Variants in CASD1 observed in about 807,000 individuals in gnomAD.
CASD1 encodes CAS1 domain sialic acid O acetyltransferase 1.
A neutral mutation model predicts 100.0 loss-of-function variants in CASD1; 41 were observed. That is an observed-to-expected ratio of 0.41 (90% CI 0.32 to 0.53). CASD1 has a LOEUF of 0.53. Among genes scored for constraint, CASD1 ranks in the 20% least tolerant of loss-of-function variants. The probability of loss-of-function intolerance (pLI) is 0.25; values close to 1 mark genes in which losing one functional copy is unlikely to be tolerated. For missense variants in CASD1, 774 were observed against 948.7 expected, an observed-to-expected ratio of 0.82 and a Z score of 2.42; for synonymous variants, 321 against 315.6, an observed-to-expected ratio of 1.02 and a Z score of -0.18.
At chr7:94,588,143 TAAAG>T in the CASD1 span, 1 of 1,134,488 alleles carries the variant, frequency 8.8e-7, no homozygotes, top group Admixed American at 4.5e-5. Context: ...TTGAAAGAAA[TAAAG>T]AAAGCAAGTC....
chr7:94,540,098 G>T (rs2116351386), intron 10 of CASD1, among the ~76,000 whole-genome samples: 1 of 152,288 alleles, frequency 6.6e-6, no homozygotes, highest in African/African-American at 2.4e-5. Context: ...AGAAAAAAAT[G>T]TGTGTTCTGA....
chr7:94,518,247 G>T lies in CASD1; in HGVS notation c.275G>T (p.Gly92Val). ...CLVDKHIAFIGDSRIRQLFYS... is the reference protein window; with the variant it reads ...CLVDKHIAFIVDSRIRQLFYS... ...GTAGATAAACATATTGCATTTATTG[G>T]AGATTCCAGAATTCGTCAATTGTTT... The change falls in exon 3 of 18, where the codon GGA becomes GTA. Residue 92 changes from glycine to valine, a missense_variant. Transcript: ENST00000297273. 2 of 1,573,546 alleles carry T rather than the reference G, an allele frequency of 1.3e-6. No homozygotes were observed. The highest frequency in any genetic ancestry group is 2.4e-5 in the South Asian group (2 of 83,012).
intron 3 of CASD1, among the ~76,000 whole-genome samples, 167 bp from the exon 4 acceptor site, chr7:94,526,995 A>G (rs528760489): frequency 6.6e-5 from 10 of 152,302 alleles, no homozygotes; most frequent in South Asian, 6.2e-4. Flanking sequence ...GTTGTGTTCT[A>G]TGTCGGTTTT....
chr7:94,600,215 A>G, the CASD1 span: 1 of 191,258 alleles, frequency 5.2e-6, no homozygotes. Context: ...TATATTTTAA[A>G]CATTAAATTG....
Position 94,510,222 on chromosome 7 carries a change from G to C in CASD1, c.133+5G>C. 8.7e-6 allele frequency: 13 copies of C among 1,499,882 alleles called. No individual in the cohort carries two copies. Among genetic ancestry groups the C allele is most frequent in the Non-Finnish European group, 1.2e-5 (13 of 1,120,726 alleles). 92.9% of individuals were successfully genotyped at this position (1,499,882 alleles called of 1,614,324 possible). ...TCGCCTCCCGCCGCTACCGAGGTGA[G>C]CGGGCCCTCCCCTCTGCCCGGGCAG... On this transcript the variant is annotated splice_donor_5th_base_variant and intron_variant, in intron 1 of 17. Transcript: ENST00000297273.
At chr7:94,578,085 A>C in the CASD1 span, among the ~76,000 whole-genome samples, 1 of 152,154 alleles carries the variant, frequency 6.6e-6, no homozygotes, top group African/African-American at 2.4e-5. Context: ...TTCCTGAATA[A>C]ACCCACCCTG....
chr7:94,607,545 A>G, the CASD1 span, among the ~76,000 whole-genome samples: 1 of 152,196 alleles, frequency 6.6e-6, no homozygotes, highest in African/African-American at 2.4e-5. Context: ...AAGAAGAAAA[A>G]TCACATGACA....
the CASD1 span, chr7:94,617,453 T>G: frequency 3.3e-5 from 5 of 152,204 alleles, no homozygotes; most frequent in Non-Finnish European, 7.3e-5. Context: ...ACACATTACC[T>G]TAAGAAAACT....
At chr7:94,559,312 G>GTGTGTGTGTA (rs1796301542), downstream of CASD1, among the ~76,000 whole-genome samples, 1 of 147,190 alleles carries the variant, frequency 6.8e-6, no homozygotes, top group South Asian at 2.1e-4. Context: ...GTGTATGTGT[G>GTGTGTGTGTA]TGTGTGTGTG....
At chr7:94,599,903 G>A in the CASD1 span, 3 of 501,414 alleles carry the variant, frequency 6.0e-6, no homozygotes, top group Non-Finnish European at 7.1e-6. Context: ...ATACAGCGAT[G>A]GAATACTGAT....
chr7:94,603,339 T>C, the CASD1 span: 2 of 1,612,826 alleles, frequency 1.2e-6, no homozygotes, highest in Non-Finnish European at 1.7e-6. Flanking sequence ...AAATTTTTTA[T>C]CACATGTTAT....
the CASD1 span, among the ~76,000 whole-genome samples, chr7:94,563,176 A>G: frequency 6.6e-6 from 1 of 152,298 alleles, no homozygotes; most frequent in African/African-American, 2.4e-5. Flanking sequence ...AGTAGCAAGA[A>G]GGGACATGGA....
At chr7:94,587,573 T>C in the CASD1 span, 9 of 1,359,018 alleles carry the variant, frequency 6.6e-6, no homozygotes, top group African/African-American at 1.5e-5. Context: ...CTTTTTTCTC[T>C]CTTTAGGTGA....
At chr7:94,586,061 GAAAAAAAAAAA>G in the CASD1 span, among the ~76,000 whole-genome samples, 2 of 28,908 alleles carry the variant, frequency 6.9e-5, no homozygotes, top group East Asian at 1.3e-3. Flanking sequence ...GGAACTAAAT[GAAAAAAAAAAA>G]AAAAAAAAAA....
At chr7:94,618,818 A>G in the CASD1 span, 2 of 1,614,026 alleles carry the variant, frequency 1.2e-6, no homozygotes, top group Non-Finnish European at 8.5e-7. Context: ...GGCCGATGTG[A>G]TGTTTATGGC....
the CASD1 span, among the ~76,000 whole-genome samples, chr7:94,611,192 A>G: frequency 6.6e-6 from 1 of 152,372 alleles, no homozygotes; most frequent in East Asian, 1.9e-4. Context: ...AAAGACTTGT[A>G]CATGAATGTT....
At chr7:94,627,931 G>C in the CASD1 span, 19 of 381,868 alleles carry the variant, frequency 5.0e-5, no homozygotes, top group East Asian at 7.1e-4. Context: ...TTCTCAAATA[G>C]AATTCATATT....
chr7:94,618,922 A>G, the CASD1 span: 2 of 1,613,900 alleles, frequency 1.2e-6, no homozygotes, highest in Non-Finnish European at 8.5e-7. Context: ...TCATATTCTT[A>G]ATGAAGAATT....
chr7:94,565,419 G>A, the CASD1 span, among the ~76,000 whole-genome samples: 7 of 152,114 alleles, frequency 4.6e-5, no homozygotes, highest in African/African-American at 7.2e-5. Flanking sequence ...CTTTGTAAGC[G>A]TCCTAAAAGG....
Sources: allele counts gnomAD v4.1 joint callset (sites outside exome capture counted in the v4.1 genomes callset), GRCh38; gene constraint gnomAD v4.1.1; transcripts MANE v1.5; gene names NCBI Gene and HGNC (gene_info 2026-07-23, HGNC 2026-07-21).